The following GCDH variants were observed in gnomAD, a reference collection of about 807,000 sequenced individuals.
The protein encoded by GCDH is glutaryl-CoA dehydrogenase.
In GCDH, 31 loss-of-function variants were observed where a neutral mutation model predicts 52.8. The observed-to-expected ratio is 0.59, with a 90% confidence interval of 0.44 to 0.79. The LOEUF is 0.79. GCDH is among the 30% of genes least tolerant of loss of function. GCDH has a pLI of 0.00. For missense variants in GCDH, 509 were observed against 595.0 expected (o/e 0.86, Z 1.50); for synonymous variants, 242 against 250.0 (o/e 0.97, Z 0.30).
chr19:12,892,009 T>A lies in GCDH; in HGVS notation c.271+35T>A, dbSNP rs774068596. 1.9e-6 allele frequency: 3 copies of A among 1,613,840 alleles called. No homozygotes were observed. The South Asian group carries it at 3.3e-5, about 18-fold the overall frequency. ...CTGGTGGGTGCCCTGAGACTGCTCC[T>A]CCGCCTGGAGCCATAGCCACCCCAC... On this transcript the variant is annotated intron_variant, in intron 4 of 11. Transcript: ENST00000222214.
In GCDH at chr19:12,897,302, G is replaced by A. The variant is rs2145953759; in HGVS notation, c.957-1G>A. On this transcript the variant is annotated splice_acceptor_variant, in intron 9 of 11. Coordinates refer to ENST00000222214, the MANE Select transcript of GCDH (RefSeq NM_000159.4). LOFTEE classifies it high-confidence loss of function. Reference sequence around the variant, plus strand: ...CTCTTACCCTGCCATTGCCCATGTAGGATGCAGTTTGGTGTCCCACTGGCC... The same window carrying A: ...CTCTTACCCTGCCATTGCCCATGTAAGATGCAGTTTGGTGTCCCACTGGCC... 6.2e-7 allele frequency: 1 copy of A among 1,613,762 alleles called. No individual in the cohort carries two copies. The highest frequency in any genetic ancestry group is 8.5e-7 in the Non-Finnish European group (1 of 1,180,006).
intron 5 of GCDH, among the ~76,000 whole-genome samples, chr19:12,893,210 A>G (rs1229844806): frequency 6.6e-6 from 1 of 152,096 alleles, no homozygotes; most frequent in Non-Finnish European, 1.5e-5. Flanking sequence ...TTTTAGAGAC[A>G]GGGTCTCACT....
chr19:12,892,183 G>A lies in GCDH; in HGVS notation c.334+5G>A. 1 of 1,612,252 alleles carries A rather than the reference G, an allele frequency of 6.2e-7. No homozygotes were observed. ...TGCTGGGCCCCACCATCAAAGGTAGGAACAAGTATCTCTCCACACACTGCA... is the reference window on the plus strand; with the variant it reads ...TGCTGGGCCCCACCATCAAAGGTAGAAACAAGTATCTCTCCACACACTGCA... On this transcript the variant is annotated splice_donor_5th_base_variant and intron_variant, in intron 5 of 11. Transcript: ENST00000222214.
chr19:12,897,146 T>C (rs534173400), intron 9 of GCDH, 133 bp downstream of exon 9: 2 of 1,212,032 alleles, frequency 1.7e-6, no homozygotes, highest in South Asian at 2.5e-5. Flanking sequence ...AGTGACGTCC[T>C]TCTGAGCAGC....
chr19:12,897,041 T>G, intron 9 of GCDH, 28 bp downstream of exon 9: 1 of 1,554,304 alleles, frequency 6.4e-7, no homozygotes, highest in Non-Finnish European at 8.9e-7. Context: ...TGAGATTCTC[T>G]GGGGGTGTGG....
At chr19:12,894,809 C>A in intron 6 of GCDH, 2 of 616,152 alleles carry the variant, frequency 3.2e-6, no homozygotes, top group Non-Finnish European at 5.4e-6. Context: ...GCACCAGGGA[C>A]AAATCGTGAA....
chr19:12,895,797 T>G lies in GCDH; in HGVS notation c.506-195T>G, dbSNP rs545770387. 0.037 allele frequency among the ~76,000 whole-genome samples: 4,759 copies of G among 127,244 alleles called. 95 individuals are homozygous for G. The highest frequency in any genetic ancestry group is 0.095 in the Middle Eastern group (24 of 252). The allele number at this position is 127,244 out of a possible 152,430, so 83.5% of individuals were successfully genotyped here. A position where few individuals can be genotyped will look rare whatever the true frequency, so the allele number is the denominator to read the frequency against. Reference sequence around the variant, plus strand: ...TGGCTATTTTTTTTTTTTTTTTTTTTTAAGTAGAGATGGGGTTTCACCATG... The same window carrying G: ...TGGCTATTTTTTTTTTTTTTTTTTTGTAAGTAGAGATGGGGTTTCACCATG... On this transcript the variant is annotated intron_variant, in intron 6 of 11. Coordinates refer to ENST00000222214, the MANE Select transcript of GCDH (RefSeq NM_000159.4).
In GCDH at chr19:12,896,276, T is replaced by G; in HGVS notation, c.707T>G (p.Phe236Cys). The G allele has an allele frequency of 6.2e-7, 1 of 1,614,136 alleles. No homozygotes were observed. Among genetic ancestry groups the G allele is most frequent in the Non-Finnish European group, 8.5e-7 (1 of 1,180,016 alleles). The stretch of plus-strand genomic sequence containing the variant: ...TGTGAAGATGGCTGCATTCGGGGCT[T>G]CCTGCTGGAGAAGGGGATGCGGGGT... ...ARCEDGCIRG[F>C]LLEKGMRGLS... Residue 236 changes from phenylalanine (F) to cysteine (C), a missense_variant, in exon 8 of 12, where the codon TTC (phenylalanine) becomes TGC (cysteine). Transcript: ENST00000222214. The surrounding 1 kb of genome is among the most constrained non-coding windows in gnomAD (Gnocchi z 5.5).
intron 9 of GCDH, 140 bp from the exon 10 acceptor site, chr19:12,897,163 C>A: frequency 8.0e-7 from 1 of 1,256,398 alleles, no homozygotes; most frequent in Non-Finnish European, 1.1e-6. Context: ...CAGCTGTGGG[C>A]TGAGTCAACG....
rs778329051 is a variant in GCDH, at chr19:12,891,187, C to A, written c.-50C>A. The A allele has an allele frequency of 5.2e-6, 4 of 764,864 alleles. No homozygotes were observed. Among genetic ancestry groups the A allele is most frequent in the Admixed American group, 2.0e-5 (1 of 49,568 alleles). 47.4% of individuals were successfully genotyped at this position (764,864 alleles called of 1,614,324 possible). On this transcript the variant is annotated 5_prime_UTR_variant, in exon 1 of 12. Transcript: ENST00000222214. The stretch of plus-strand genomic sequence containing the variant: ...TTGCACTGTAGCCTCGGCAGTGAAC[C>A]GGGAGGTACTACCAGGTAAGGAAGG...
At chr19:12,892,337 G>A in intron 5 of GCDH, 159 bp downstream of exon 5, 1 of 732,074 alleles carries the variant, frequency 1.4e-6, no homozygotes, top group East Asian at 2.7e-5. Flanking sequence ...TGTTGCCCAG[G>A]CTGGAGTGCA....
intron 9 of GCDH, 110 bp from the exon 10 acceptor site, chr19:12,897,193 G>T: frequency 1.4e-6 from 2 of 1,417,242 alleles, no homozygotes; most frequent in South Asian, 1.2e-5. Flanking sequence ...GGGCAAGCTT[G>T]GGGGCACTGA....
Position 12,899,932 on chromosome 19 carries a change from A to G in GCDH, c.*391A>G. 3.1e-6 allele frequency: 5 copies of G among 1,591,782 alleles called. No homozygotes were observed. The highest frequency in any genetic ancestry group is 4.3e-6 in the Non-Finnish European group (5 of 1,168,928). ...AGTGCCTTATGCTGGGTGTTGGAGC[A>G]GAGTGAGGGAGAGGAAAATAAAGAC... is the stretch of plus-strand genomic sequence containing the variant. On this transcript the variant is annotated 3_prime_UTR_variant, in exon 12 of 12. Coordinates refer to ENST00000222214, the MANE Select transcript of GCDH (RefSeq NM_000159.4).
chr19:12,894,971 C>T (rs1245898740), intron 6 of GCDH: 2 of 310,040 alleles, frequency 6.5e-6, no homozygotes, highest in South Asian at 5.6e-5. Context: ...GACCTTTCCA[C>T]CTCATCTCTG....
Position 12,891,188 on chromosome 19 carries a change from G to C in GCDH, c.-49G>C. ...TGCACTGTAGCCTCGGCAGTGAACC[G>C]GGAGGTACTACCAGGTAAGGAAGGT... On this transcript the variant is annotated 5_prime_UTR_variant, in exon 1 of 12. Coordinates refer to ENST00000222214, the MANE Select transcript of GCDH (RefSeq NM_000159.4). 4 of 767,360 alleles carry C rather than the reference G, an allele frequency of 5.2e-6. No individual in the cohort carries two copies. Among genetic ancestry groups the C allele is most frequent in the South Asian group, 1.4e-5 (1 of 69,658 alleles). The allele number at this position is 767,360 out of a possible 1,614,324, so 47.5% of individuals were successfully genotyped here. A position where few individuals can be genotyped will look rare whatever the true frequency, so the allele number is the denominator to read the frequency against.
Position 12,891,382 on chromosome 19 carries a change from G to A in GCDH, c.78G>A (p.Ser26=), listed in dbSNP as rs376747683. 1.1e-5 allele frequency: 17 copies of A among 1,614,102 alleles called. No homozygotes were observed. In the African/African-American group the frequency reaches 1.9e-4, roughly 18 times the overall value. Reference sequence around the variant, plus strand: ...ACGTCCTTCGCACGTGGGTCTCGTCGGCGGCGCAGACCGGTCAGTGTGGGG... The same window carrying A: ...ACGTCCTTCGCACGTGGGTCTCGTCAGCGGCGCAGACCGGTCAGTGTGGGG... ...GLHVLRTWVS[S]AAQTEKGGRT... is the part of the protein sequence containing the mutation. Residue 26 remains serine, a synonymous_variant, in exon 2 of 12, where the codon TCG becomes TCA. Transcript: ENST00000222214.
chr19:12,898,492 C>T (rs528077163), intron 11 of GCDH: 65 of 155,842 alleles, frequency 4.2e-4, no homozygotes, highest in Middle Eastern at 3.4e-3. Context: ...CCCTGCGCAC[C>T]TTGCAACCCC....
intron 9 of GCDH, 124 bp from the exon 10 acceptor site, chr19:12,897,179 G>A (rs1033305066): frequency 2.2e-5 from 30 of 1,346,124 alleles, no homozygotes; most frequent in African/African-American, 4.3e-5. Flanking sequence ...CAACGGCAGG[G>A]CCAGGGCAAG....
At chr19:12,897,040 C>CT (rs750231959) in intron 9 of GCDH, 27 bp downstream of exon 9, 7 of 1,567,728 alleles carry the variant, frequency 4.5e-6, no homozygotes, top group Non-Finnish European at 5.3e-6. Context: ...GTGAGATTCT[C>CT]TGGGGGTGTG....
Sources: gnomAD v4.1 joint callset for allele counts (sites outside exome capture counted in the v4.1 genomes callset) on GRCh38, gnomAD v4.1.1 for gene constraint, Gnocchi (gnomAD v3.1) non-coding constraint, MANE v1.5 for transcripts, NCBI Gene and HGNC (gene_info 2026-07-23, HGNC 2026-07-21) for gene names.